The following FAM120C variants were observed in gnomAD, a reference collection of about 807,000 sequenced individuals.
The protein encoded by FAM120C is constitutive coactivator of PPAR-gamma-like protein 2.
FAM120C carries 14 observed loss-of-function variants against 71.2 expected under a neutral mutation model. The observed-to-expected ratio is 0.20, with a 90% CI of 0.13 to 0.31. The LOEUF (loss-of-function observed/expected upper bound fraction) is 0.31. FAM120C is among the 10% of genes least tolerant of loss of function. The probability of loss-of-function intolerance (pLI) is 1.00; values close to 1 mark genes in which losing one functional copy is unlikely to be tolerated. For synonymous variants in FAM120C, 354 were observed against 353.2 expected (o/e 1.00, Z -0.03); for missense variants, 500 against 879.0 (o/e 0.57, Z 5.45).
At chrX:54,167,523 CCTA>C (rs782480556) in intron 1 of FAM120C, among the ~76,000 whole-genome samples, 52 of 111,353 alleles carry the variant, frequency 4.7e-4, no homozygotes, top group African/African-American at 1.6e-3. Context: ...GGGTTGAGGG[CCTA>C]CTAAGTGCCA....
chrX:54,103,964 A>G (rs1325933168), intron 10 of FAM120C, among the ~76,000 whole-genome samples: 1 of 112,067 alleles, frequency 8.9e-6, no homozygotes, highest in Non-Finnish European at 1.9e-5. Flanking sequence ...ATCTTGTTAT[A>G]GCTGAGAGTG....
chrX:54,087,658 C>G (rs2066801714), intron 12 of FAM120C, 97 bp downstream of exon 12: 1 of 829,125 alleles, frequency 1.2e-6, no homozygotes, highest in African/African-American at 2.0e-5. Context: ...CTGCTTCCGC[C>G]CCATCCCTCT....
intron 4 of FAM120C, among the ~76,000 whole-genome samples, chrX:54,145,732 T>A (rs1557132294): frequency 4.5e-5 from 5 of 112,027 alleles, no homozygotes; most frequent in Non-Finnish European, 9.4e-5. Context: ...GTTCAACCAT[T>A]GTGGAAGACA....
intron 9 of FAM120C, among the ~76,000 whole-genome samples, chrX:54,132,484 G>A (rs2067073173): frequency 8.9e-6 from 1 of 111,967 alleles, no homozygotes; most frequent in East Asian, 2.8e-4. Context: ...GGTCCAGCAT[G>A]GTTCTTATAA....
At position 54,135,613 on chromosome X, in the gene FAM120C, A is replaced by G. The variant is rs782785748; in HGVS notation, c.1259-9T>C. The stretch of plus-strand genomic sequence containing the variant: ...CCTATTATTCCGAAAACCTGAAGCC[A>G]AGAGAAAGAGCTATACTTCAGTCAA... On this transcript the variant is annotated splice_polypyrimidine_tract_variant and intron_variant, in intron 5 of 15. Coordinates refer to ENST00000375180, the MANE Select transcript of FAM120C (RefSeq NM_017848.6). 4 of 1,193,882 alleles carry G rather than the reference A, an allele frequency of 3.4e-6. No homozygotes were observed. In the South Asian group the frequency reaches 5.4e-5, roughly 16 times the overall value.
intron 1 of FAM120C, among the ~76,000 whole-genome samples, chrX:54,177,026 A>G (rs1253886750): frequency 1.1e-4 from 12 of 111,653 alleles, no homozygotes; most frequent in African/African-American, 3.9e-4. Flanking sequence ...TTTGCTATGC[A>G]AAGGTCAAGA....
chrX:54,085,632 G>T, intron 13 of FAM120C, 83 bp downstream of exon 13: 3 of 877,797 alleles, frequency 3.4e-6, no homozygotes, highest in Non-Finnish European at 4.9e-6. Context: ...TGAAACTGTT[G>T]ATCCTGTTAT....
intron 1 of FAM120C, chrX:54,173,791 T>C (rs1417191921): frequency 4.7e-6 from 1 of 210,593 alleles, no homozygotes; most frequent in African/African-American, 2.9e-5. Context: ...CAACAATCAA[T>C]GGTGTTTCAG....
intron 9 of FAM120C, among the ~76,000 whole-genome samples, chrX:54,130,040 AGGGAGAGGGAGAGGGAGAGGGACACCGTG>A (rs2067056773): frequency 1.3e-5 from 1 of 79,027 alleles, no homozygotes; most frequent in Non-Finnish European, 2.3e-5. Flanking sequence ...CCCTGGGGAG[AGGGAGAGGGAGAGGGAGAGGGACACCGTG>A]GGGAGAGGGA....
intron 4 of FAM120C, among the ~76,000 whole-genome samples, chrX:54,144,588 C>T (rs1452602217): frequency 3.6e-5 from 4 of 111,007 alleles, no homozygotes; most frequent in Non-Finnish European, 7.5e-5. Flanking sequence ...GAATAAAATA[C>T]CTAGGAATCC....
chrX:54,071,796 C>T lies in FAM120C; in HGVS notation c.*1237G>A, dbSNP rs782496765. ...TACTTTTTGTCTGATTTAGAGAAGC[C>T]CATCCAACTTCTCATAGTTGTGAAT... On this transcript the variant is annotated 3_prime_UTR_variant, in exon 16 of 16. Transcript: ENST00000375180. 1 of 110,030 alleles carries T rather than the reference C, an allele frequency of 9.1e-6. No individual in the cohort carries two copies. The highest frequency in any genetic ancestry group is 3.3e-5 in the African/African-American group (1 of 30,304). 9.1% of individuals were successfully genotyped at this position (110,030 alleles called of 1,213,427 possible).
intron 10 of FAM120C, among the ~76,000 whole-genome samples, chrX:54,106,869 A>G (rs975826655): frequency 2.7e-5 from 3 of 112,008 alleles, no homozygotes; most frequent in African/African-American, 6.5e-5. Flanking sequence ...CACACCAGTT[A>G]GAATGGTGAT....
intron 1 of FAM120C, 98 bp downstream of exon 1, chrX:54,182,402 G>A (rs2067355149): frequency 6.0e-6 from 6 of 996,690 alleles, no homozygotes; most frequent in African/African-American, 1.9e-5. Flanking sequence ...GTGGGTAGAT[G>A]GGAGGTAGGG....
chrX:54,118,131 G>T lies in FAM120C; in HGVS notation c.2063-1337C>A, dbSNP rs1033688190. On this transcript the variant is annotated intron_variant, in intron 9 of 15. Transcript: ENST00000375180. ...CCAGCTACTCGAGAGGCTGAGGCAG[G>T]AGAATCGCTTGAACCCAGGAGGCAG... Among the ~76,000 whole-genome samples, 3 of 109,280 alleles carry T rather than the reference G, an allele frequency of 2.7e-5. No homozygotes were observed. In the Admixed American group the frequency reaches 3.0e-4, roughly 11 times the overall value. The allele number at this position is 109,280 out of a possible 115,157, so 94.9% of individuals were successfully genotyped here.
intron 10 of FAM120C, among the ~76,000 whole-genome samples, chrX:54,101,099 T>C (rs1247103351): frequency 9.0e-6 from 1 of 111,547 alleles, no homozygotes; most frequent in Non-Finnish European, 1.9e-5. Context: ...TTTTAATGGG[T>C]AGAGGTTGCG....
chrX:54,116,452 C>T, intron 10 of FAM120C, 93 bp downstream of exon 10: 2 of 1,009,364 alleles, frequency 2.0e-6, no homozygotes, highest in South Asian at 5.0e-5. Context: ...TAAAAATTTC[C>T]CCACCTTGAA....
chrX:54,083,011 C>T (rs1192808663), intron 13 of FAM120C, among the ~76,000 whole-genome samples: 1 of 108,351 alleles, frequency 9.2e-6, no homozygotes, highest in East Asian at 3.0e-4. Context: ...CCCAGCTACT[C>T]AGGAGGCCGA....
At chrX:54,157,400 G>A (rs868966494) in intron 3 of FAM120C, among the ~76,000 whole-genome samples, 2 of 109,845 alleles carry the variant, frequency 1.8e-5, no homozygotes, top group East Asian at 2.9e-4. Context: ...GGTTATAGGC[G>A]CCTGCCACTA....
At chrX:54,083,264 A>C (rs1557121537) in intron 13 of FAM120C, among the ~76,000 whole-genome samples, 1 of 110,171 alleles carries the variant, frequency 9.1e-6, no homozygotes, top group African/African-American at 3.3e-5. Flanking sequence ...TATGACAAGA[A>C]ACCAAATGAA....
Sources: gnomAD v4.1 joint callset for allele counts (sites outside exome capture counted in the v4.1 genomes callset) on GRCh38, gnomAD v4.1.1 for gene constraint, MANE v1.5 for transcripts, NCBI Gene and HGNC (gene_info 2026-07-23, HGNC 2026-07-21) for gene names.